Variants in MROH1 observed in about 807,000 individuals in gnomAD.
The protein encoded by MROH1 is maestro heat like repeat family member 1, also known as maestro heat-like repeat-containing protein family member 1.
MROH1 carries 117 observed loss-of-function variants against 116.5 expected under a neutral mutation model. The ratio of observed to expected loss-of-function variants is 1.00; its 90% CI spans 0.86 to 1.17. The LOEUF (loss-of-function observed/expected upper bound fraction) is 1.17, where lower values mean the gene tolerates loss of function less well. MROH1 is among the 50% of genes most tolerant of loss of function. The pLI is 0.00. For missense variants in MROH1, 1,873 were observed against 1,338.5 expected, an observed-to-expected ratio of 1.40 and a Z score of -6.23; for synonymous variants, 921 against 583.9, an observed-to-expected ratio of 1.58 and a Z score of -8.32.
chr8:144,239,803 G>A (rs1840659106), intron 18 of MROH1, 48 bp downstream of exon 18: 1 of 714,474 alleles, frequency 1.4e-6, no homozygotes, highest in Non-Finnish European at 2.6e-6. Flanking sequence ...GGGAGGGCAG[G>A]TCTCAGAGTA....
intron 4 of MROH1, among the ~76,000 whole-genome samples, chr8:144,173,839 G>A (rs999398944): frequency 3.9e-5 from 6 of 152,146 alleles, no homozygotes; most frequent in Non-Finnish European, 8.8e-5. Context: ...TGTGTTTGGC[G>A]GTTCCTGAGC....
rs965021930 is a variant in MROH1, at chr8:144,261,841, G to A, written c.*101G>A. On this transcript the variant is annotated 3_prime_UTR_variant, in exon 44 of 44. Coordinates refer to ENST00000326134, the MANE Select transcript of MROH1 (RefSeq NM_032450.3). ...ACCACAGCCTGGGCACACGACTGGA[G>A]GGGCCTGGCCCCAGAACAGGCACTG... is the stretch of plus-strand genomic sequence containing the variant. The A allele has an allele frequency of 8.6e-6, 6 of 698,402 alleles. No homozygotes were observed. The highest frequency in any genetic ancestry group is 6.0e-5 in the South Asian group (4 of 67,030). 43.3% of individuals were successfully genotyped at this position (698,402 alleles called of 1,614,324 possible).
chr8:144,156,106 G>A (rs1010897702), intron 1 of MROH1, among the ~76,000 whole-genome samples: 1 of 151,898 alleles, frequency 6.6e-6, no homozygotes, highest in Non-Finnish European at 1.5e-5. Flanking sequence ...GGCGTGGGGC[G>A]CATGTCTGTA....
rs987820261 is a variant in MROH1 at position 144,261,831 on chromosome 8, C to T, written c.*91C>T. The T allele has an allele frequency of 1.8e-4, 128 of 699,908 alleles. No homozygotes were observed. The highest frequency in any genetic ancestry group is 1.8e-3 in the African/African-American group (103 of 57,286). The allele number at this position is 699,908 out of a possible 1,614,324, so 43.4% of individuals were successfully genotyped here. A position where few individuals can be genotyped will look rare whatever the true frequency, so the allele number is the denominator to read the frequency against. On this transcript the variant is annotated 3_prime_UTR_variant, in exon 44 of 44. Transcript: ENST00000326134. ...CCTCCTGAGGACCACAGCCTGGGCA[C>T]ACGACTGGAGGGGCCTGGCCCCAGA... is the stretch of plus-strand genomic sequence containing the variant.
intron 1 of MROH1, among the ~76,000 whole-genome samples, chr8:144,149,138 C>A (rs1199258712): frequency 1.3e-5 from 2 of 152,084 alleles, no homozygotes; most frequent in Non-Finnish European, 2.9e-5. Flanking sequence ...GAGGCGAGGG[C>A]TGGAGATGCG....
intron 12 of MROH1, among the ~76,000 whole-genome samples, chr8:144,217,935 C>T (rs1021703957): frequency 1.6e-4 from 24 of 149,928 alleles, no homozygotes; most frequent in Non-Finnish European, 2.4e-4. Flanking sequence ...TGGGTGGCTG[C>T]GTTAGCAGCC....
In MROH1 at chr8:144,247,382, C is replaced by T. The variant is rs1842085795; in HGVS notation, c.2953C>T (p.Gln985Ter). ...TGCGGACCTGTGGCCTGCCACCCGCCAGGAGGCCGTGGACTGTGTCTACTC... is the reference window on the plus strand; with the variant it reads ...TGCGGACCTGTGGCCTGCCACCCGCTAGGAGGCCGTGGACTGTGTCTACTC... The part of the protein sequence containing the change: ...RCADLWPATR[Q>*]EAVDCVYSLL... Residue 985 changes from glutamine to a stop codon, truncating the protein, a stop_gained, in exon 30 of 44, where the codon CAG (glutamine) becomes TAG (stop). Coordinates refer to ENST00000326134, the MANE Select transcript of MROH1 (RefSeq NM_032450.3). LOFTEE classifies it high-confidence loss of function. 1.3e-6 allele frequency: 1 copy of T among 771,390 alleles called. No homozygotes were observed. The highest frequency in any genetic ancestry group is 2.4e-6 in the Non-Finnish European group (1 of 414,062). The allele number at this position is 771,390 out of a possible 1,614,324, so 47.8% of individuals were successfully genotyped here. A position where few individuals can be genotyped will look rare whatever the true frequency, so the allele number is the denominator to read the frequency against.
chr8:144,211,858 G>T (rs1834173042), intron 12 of MROH1, among the ~76,000 whole-genome samples: 1 of 152,150 alleles, frequency 6.6e-6, no homozygotes, highest in Admixed American at 6.5e-5. Flanking sequence ...GCATTTGATG[G>T]CTTCAATCCA....
At chr8:144,192,862 G>C in intron 10 of MROH1, 1 of 332,598 alleles carries the variant, frequency 3.0e-6, no homozygotes. Context: ...CCCCTCCCCA[G>C]GTCGGGTGAA....
At chr8:144,220,812 C>G in intron 13 of MROH1, 139 bp downstream of exon 13, 2 of 701,062 alleles carry the variant, frequency 2.9e-6, no homozygotes, top group South Asian at 3.6e-5. Context: ...CAAAGGATGA[C>G]AGTGTGCCAT....
intron 12 of MROH1, among the ~76,000 whole-genome samples, chr8:144,218,873 C>T (rs1278004368): frequency 1.4e-5 from 1 of 73,486 alleles, no homozygotes; most frequent in Admixed American, 1.6e-4. Context: ...CTTGCTCTGT[C>T]GCTCAGGCTA....
chr8:144,189,608 A>G (rs113913367), intron 7 of MROH1, among the ~76,000 whole-genome samples: 3,055 of 152,240 alleles, frequency 0.02, 87 homozygotes, highest in African/African-American at 0.068. Flanking sequence ...GGTCAGCCCA[A>G]GGCCACCGCT....
chr8:144,220,824 C>T (rs1836557185), intron 13 of MROH1, among the ~76,000 whole-genome samples, 151 bp downstream of exon 13: 1 of 152,202 alleles, frequency 6.6e-6, no homozygotes, highest in South Asian at 2.1e-4. Flanking sequence ...GTGTGCCATT[C>T]AGTGTGTGGC....
intron 7 of MROH1, among the ~76,000 whole-genome samples, chr8:144,188,117 TA>T: frequency 6.6e-6 from 1 of 152,316 alleles, no homozygotes; most frequent in African/African-American, 2.4e-5. Flanking sequence ...AGTGATTTCT[TA>T]AGATACAAAA....
chr8:144,240,476 C>A lies in MROH1; in HGVS notation c.1828-94C>A, dbSNP rs1840782222. On this transcript the variant is annotated intron_variant, in intron 19 of 43. Transcript: ENST00000326134. ...CCTCCGCTGGAAGGCGGTCTGCAGC[C>A]CCTGCAGCCACAGCACATGGGGATG... 3 of 704,582 alleles carry A rather than the reference C, an allele frequency of 4.3e-6. No homozygotes were observed. The South Asian group carries it at 4.5e-5, about 10-fold the overall frequency. The allele number at this position is 704,582 out of a possible 1,614,324, so 43.6% of individuals were successfully genotyped here.
intron 10 of MROH1, 136 bp from the exon 11 acceptor site, chr8:144,198,986 G>A (rs553300472): frequency 3.5e-5 from 26 of 739,412 alleles, no homozygotes; most frequent in Admixed American, 1.6e-4. Context: ...AGCCTGGAGC[G>A]CCCGCTGCAT....
In MROH1 at chr8:144,261,020, C is replaced by T. The variant is rs1437527282; in HGVS notation, c.4650C>T (p.Leu1550=). 1.6e-5 allele frequency: 9 copies of T among 570,010 alleles called. No homozygotes were observed. The African/African-American group carries it at 1.8e-4, about 11-fold the overall frequency. 35.3% of individuals were successfully genotyped at this position (570,010 alleles called of 1,614,324 possible). A position where few individuals can be genotyped will look rare whatever the true frequency, so the allele number is the denominator to read the frequency against. ...EGRALHFGEF[L]NTTCKHLMHH... ...GAGCCCTGCACTTCGGGGAGTTCCT[C>T]AACACCACCTGCAAGCACCTGGTGA... Residue 1550 remains leucine, a synonymous_variant, in exon 41 of 44, where the codon CTC becomes CTT. Transcript: ENST00000326134.
At chr8:144,255,060 G>A in intron 34 of MROH1, 82 bp downstream of exon 34, 2 of 669,906 alleles carry the variant, frequency 3.0e-6, no homozygotes, top group Non-Finnish European at 5.5e-6. Flanking sequence ...CTTTTGATGA[G>A]GTGGCCCGGA....
At chr8:144,208,337 AC>A (rs956639802) in intron 12 of MROH1, among the ~76,000 whole-genome samples, 1 of 152,174 alleles carries the variant, frequency 6.6e-6, no homozygotes, top group Non-Finnish European at 1.5e-5. Flanking sequence ...GTGCCTTGGT[AC>A]AAGGTCAGGT....
Sources: allele counts gnomAD v4.1 joint callset (sites outside exome capture counted in the v4.1 genomes callset), GRCh38; gene constraint gnomAD v4.1.1; transcripts MANE v1.5; gene names NCBI Gene and HGNC (gene_info 2026-07-23, HGNC 2026-07-21).